SOCS6: variants seen among roughly 807,000 people sequenced by gnomAD.
SOCS6 encodes suppressor of cytokine signaling 6.
SOCS6 carries 5 observed loss-of-function variants against 27.7 expected under a neutral mutation model. The observed-to-expected ratio is 0.18, with a 90% CI of 0.09 to 0.38. SOCS6 has a LOEUF of 0.38. Among genes scored for constraint, SOCS6 ranks in the 10% least tolerant of loss-of-function variants. The pLI is 1.00. For missense variants in SOCS6, 595 were observed against 688.1 expected (o/e 0.86, Z 1.51); for synonymous variants, 271 against 260.0 (o/e 1.04, Z -0.41).
intron 1 of SOCS6, among the ~76,000 whole-genome samples, chr18:70,319,299 A>G (rs1337201089): frequency 2.6e-5 from 4 of 152,230 alleles, no homozygotes; most frequent in Non-Finnish European, 2.9e-5. Flanking sequence ...TTGACAATGC[A>G]GCTTATGGTG....
At chr18:70,291,639 A>G (rs1001505085) in intron 1 of SOCS6, among the ~76,000 whole-genome samples, 1 of 152,192 alleles carries the variant, frequency 6.6e-6, no homozygotes, top group Non-Finnish European at 1.5e-5. Context: ...TTCGACTTAC[A>G]TCCAGATAAA....
intron 1 of SOCS6, among the ~76,000 whole-genome samples, chr18:70,312,797 G>A (rs1397193257): frequency 2.5e-5 from 3 of 120,956 alleles, no homozygotes; most frequent in Admixed American, 1.0e-4. Context: ...TTTTTGAGAT[G>A]GAGTCTTCCT....
At chr18:70,316,690 T>C (rs2062412822) in intron 1 of SOCS6, among the ~76,000 whole-genome samples, 2 of 152,074 alleles carry the variant, frequency 1.3e-5, no homozygotes, top group African/African-American at 4.8e-5. Flanking sequence ...CATTTTTTTC[T>C]GTTAGAGGAC....
intron 1 of SOCS6, among the ~76,000 whole-genome samples, chr18:70,316,901 C>T (rs1178055094): frequency 6.6e-6 from 1 of 152,166 alleles, no homozygotes; most frequent in South Asian, 2.1e-4. Context: ...CTAAATGATA[C>T]ACTCTATATC....
Position 70,325,081 on chromosome 18 carries a change from C to G in SOCS6, c.413C>G (p.Pro138Arg). Residue 138 changes from proline to arginine, a missense_variant, in exon 2 of 2, where the codon CCT (proline) becomes CGT (arginine). Around this residue, in one of 2 missense-constraint regions of SOCS6, gnomAD observed 467 missense variants for 481.1 expected, o/e 0.97. Transcript: ENST00000397942. This position sits in a 1 kb window ranked among gnomAD's most constrained non-coding sequence, Gnocchi z 6.3. ...CATCACTACAGTCCCGCGCCGTGGC[C>G]TCTGCGGCCCACAAACTCCGAGGAG... ...RSHHYSPAPW[P>R]LRPTNSEETC... 6.2e-7 allele frequency: 1 copy of G among 1,614,100 alleles called. No individual in the cohort carries two copies. Among genetic ancestry groups the G allele is most frequent in the Non-Finnish European group, 8.5e-7 (1 of 1,180,040 alleles).
chr18:70,318,936 C>T (rs560203758), intron 1 of SOCS6, among the ~76,000 whole-genome samples: 12 of 148,670 alleles, frequency 8.1e-5, no homozygotes, highest in Non-Finnish European at 1.6e-4. Context: ...GATTCCGTCT[C>T]ACAAAAAAAA....
At position 70,324,593 on chromosome 18, in the gene SOCS6, T is replaced by C; in HGVS notation, c.-76T>C. ...GCAGGAAAAATACATAGATGCAGCC[T>C]TGCAGCCTCTCCAGATGTTTGGGGA... is the stretch of plus-strand genomic sequence containing the variant. On this transcript the variant is annotated 5_prime_UTR_variant, in exon 2 of 2. Coordinates refer to ENST00000397942, the MANE Select transcript of SOCS6 (RefSeq NM_004232.4). 1 of 1,003,366 alleles carries C rather than the reference T, an allele frequency of 1.0e-6. No individual in the cohort carries two copies. The highest frequency in any genetic ancestry group is 1.6e-5 in the South Asian group (1 of 62,068). The allele number at this position is 1,003,366 out of a possible 1,614,324, so 62.2% of individuals were successfully genotyped here. A position where few individuals can be genotyped will look rare whatever the true frequency, so the allele number is the denominator to read the frequency against.
rs567681210 is a variant in SOCS6 at position 70,313,737 on chromosome 18, C to A, written c.-126-10806C>A. Among the ~76,000 whole-genome samples the A allele has an allele frequency of 1.6e-3, 249 of 152,248 alleles. 4 individuals carry two copies. The South Asian group carries it at 0.05, about 31-fold the overall frequency. ...CTATTCTGTCATTTCCCTCCTCTAG[C>A]GTTAAGCTGTTGCAGCATGTTTTAA... On this transcript the variant is annotated intron_variant, in intron 1 of 1. Transcript: ENST00000397942.
intron 1 of SOCS6, among the ~76,000 whole-genome samples, chr18:70,309,239 T>TA (rs1346163115): frequency 1.3e-5 from 2 of 152,322 alleles, no homozygotes; most frequent in East Asian, 3.9e-4. Context: ...TTTGTTTTTT[T>TA]ATCATTAAAT....
chr18:70,301,378 A>G (rs1038597510), intron 1 of SOCS6, among the ~76,000 whole-genome samples: 1 of 152,184 alleles, frequency 6.6e-6, no homozygotes, highest in African/African-American at 2.4e-5. Context: ...GGTAGCTGAA[A>G]TTGGGATTTC....
At chr18:70,290,274 C>T (rs1397584909) in intron 1 of SOCS6, among the ~76,000 whole-genome samples, 1 of 152,198 alleles carries the variant, frequency 6.6e-6, no homozygotes, top group Non-Finnish European at 1.5e-5. Context: ...CGTTCTACTT[C>T]AAGATAAAAT....
chr18:70,326,187 G>A lies in SOCS6; in HGVS notation c.1519G>A (p.Val507Ile), dbSNP rs1253753561. 1 of 1,614,174 alleles carries A rather than the reference G, an allele frequency of 6.2e-7. No homozygotes were observed. The highest frequency in any genetic ancestry group is 2.2e-5 in the East Asian group (1 of 44,882). Residue 507 changes from valine to isoleucine, a missense_variant, in exon 2 of 2, where the codon GTT (valine) becomes ATT (isoleucine). Val to Ile is a conservative substitution (Grantham distance 29, BLOSUM62 3). Around this residue, in one of 2 missense-constraint regions of SOCS6, gnomAD observed 128 missense variants for 207.0 expected, o/e 0.62. Transcript: ENST00000397942. ...CTCGTTGCAGTACCTGTGTCGTTTT[G>A]TTATACGTCAGTATACCAGAATAGA... ...VRSLQYLCRFVIRQYTRIDLI... is the reference protein window; with the variant it reads ...VRSLQYLCRFIIRQYTRIDLI...
intron 1 of SOCS6, among the ~76,000 whole-genome samples, chr18:70,322,126 A>G (rs1433144296): frequency 1.3e-5 from 2 of 152,194 alleles, no homozygotes; most frequent in African/African-American, 2.4e-5. Flanking sequence ...TTGAAACTTT[A>G]TATACATTTT....
At chr18:70,320,519 G>A (rs957428161) in intron 1 of SOCS6, among the ~76,000 whole-genome samples, 13 of 152,102 alleles carry the variant, frequency 8.5e-5, no homozygotes, top group Non-Finnish European at 1.5e-4. Context: ...TACCACAGTC[G>A]ATAGTCATCT....
Position 70,325,384 on chromosome 18 carries a change from G to A in SOCS6, c.716G>A (p.Ser239Asn), listed in dbSNP as rs1911162357. The change falls in exon 2 of 2, where the codon AGC becomes AAC. Residue 239 changes from serine to asparagine, a missense_variant. Coordinates refer to ENST00000397942, the MANE Select transcript of SOCS6 (RefSeq NM_004232.4). The surrounding 1 kb of genome is among the most constrained non-coding windows in gnomAD (Gnocchi z 6.3). ...ATGTATCCTTTGGAAGGATCACGGAGCTATTGTCTGGACAGCTCTTCTCCC... is the reference window on the plus strand; with the variant it reads ...ATGTATCCTTTGGAAGGATCACGGAACTATTGTCTGGACAGCTCTTCTCCC... ...EGMYPLEGSR[S>N]YCLDSSSPME... 6.2e-7 allele frequency: 1 copy of A among 1,614,196 alleles called. No individual in the cohort carries two copies. The highest frequency in any genetic ancestry group is 1.1e-5 in the South Asian group (1 of 91,072).
At chr18:70,294,868 C>T (rs1010143402) in intron 1 of SOCS6, among the ~76,000 whole-genome samples, 1 of 152,220 alleles carries the variant, frequency 6.6e-6, no homozygotes, top group African/African-American at 2.4e-5. Context: ...TGTTTTATCA[C>T]TCCTAACAGC....
chr18:70,316,007 C>A (rs7232576), intron 1 of SOCS6, among the ~76,000 whole-genome samples: 51,666 of 151,804 alleles, frequency 0.34, 9,618 homozygotes, highest in East Asian at 0.73. Flanking sequence ...CCTGCCACCA[C>A]GCCCAGCGAA....
chr18:70,295,035 A>G (rs2062317276), intron 1 of SOCS6, among the ~76,000 whole-genome samples: 1 of 152,234 alleles, frequency 6.6e-6, no homozygotes, highest in African/African-American at 2.4e-5. Flanking sequence ...GGCAGGCAGT[A>G]ATCTGAACAT....
At chr18:70,300,667 A>T (rs920978891) in intron 1 of SOCS6, among the ~76,000 whole-genome samples, 1 of 152,168 alleles carries the variant, frequency 6.6e-6, no homozygotes, top group Non-Finnish European at 1.5e-5. Flanking sequence ...TTTAGAGATT[A>T]TCATGTATTT....
Sources: allele counts gnomAD v4.1 joint callset (sites outside exome capture counted in the v4.1 genomes callset), GRCh38; gene constraint gnomAD v4.1.1; regional missense constraint gnomAD v4.1.1; non-coding constraint Gnocchi (gnomAD v3.1); transcripts MANE v1.5; gene names NCBI Gene and HGNC (gene_info 2026-07-23, HGNC 2026-07-21).